The following CPLX2 variants were observed in gnomAD, a reference collection of about 807,000 sequenced individuals.
CPLX2 encodes the protein complexin-2.
In CPLX2, 5 loss-of-function variants were observed where a neutral mutation model predicts 16.3. The ratio of observed to expected loss-of-function variants is 0.31; its 90% CI spans 0.16 to 0.64. The LOEUF (loss-of-function observed/expected upper bound fraction) is 0.64, where lower values mean the gene tolerates loss of function less well. Ranked by LOEUF, CPLX2 falls within the 30% of genes least tolerant of loss-of-function variation. CPLX2 has a pLI of 0.79. For missense variants in CPLX2, 144 were observed against 181.4 expected, an observed-to-expected ratio of 0.79 and a Z score of 1.18; for synonymous variants, 89 against 73.2, an observed-to-expected ratio of 1.22 and a Z score of -1.10.
intron 2 of CPLX2, among the ~76,000 whole-genome samples, chr5:175,823,238 A>G (rs1758546052): frequency 6.6e-6 from 1 of 152,190 alleles, no homozygotes; most frequent in African/African-American, 2.4e-5. Context: ...TGTACACCCA[A>G]TGTTGACAAA....
chr5:175,852,953 A>G (rs1305298665), intron 2 of CPLX2, among the ~76,000 whole-genome samples: 2 of 152,236 alleles, frequency 1.3e-5, no homozygotes, highest in East Asian at 3.8e-4. Flanking sequence ...AGGAAGTCTC[A>G]GTACGTCCTC....
At chr5:175,839,228 A>G (rs1160895818) in intron 2 of CPLX2, among the ~76,000 whole-genome samples, 1 of 152,076 alleles carries the variant, frequency 6.6e-6, no homozygotes, top group African/African-American at 2.4e-5. Flanking sequence ...ATTTTTCCTC[A>G]AAAAAGAATG....
chr5:175,822,400 T>C (rs1758528694), intron 2 of CPLX2, among the ~76,000 whole-genome samples: 1 of 152,174 alleles, frequency 6.6e-6, no homozygotes, highest in Non-Finnish European at 1.5e-5. Flanking sequence ...AAGCCTTCAT[T>C]TCATCATCTG....
intron 1 of CPLX2, among the ~76,000 whole-genome samples, chr5:175,800,052 A>C (rs1341925117): frequency 1.3e-5 from 2 of 152,194 alleles, no homozygotes; most frequent in Non-Finnish European, 2.9e-5. Flanking sequence ...CTGCACACCT[A>C]GCTCACAGAC....
chr5:175,871,180 C>A (rs1759583217), upstream of CPLX2, among the ~76,000 whole-genome samples: 1 of 151,846 alleles, frequency 6.6e-6, no homozygotes, highest in African/African-American at 2.4e-5. Flanking sequence ...CTTGCCCCCA[C>A]CACTCCTCAG....
upstream of CPLX2, among the ~76,000 whole-genome samples, chr5:175,867,822 A>G (rs1759507161): frequency 1.3e-5 from 2 of 152,056 alleles, no homozygotes; most frequent in African/African-American, 4.8e-5. Context: ...CAAATACACC[A>G]TTGCACACTT....
intron 2 of CPLX2, among the ~76,000 whole-genome samples, chr5:175,863,994 C>G (rs941322103): frequency 2.6e-5 from 4 of 152,178 alleles, no homozygotes; most frequent in Non-Finnish European, 5.9e-5. Flanking sequence ...AGTTCTTTGA[C>G]CAAGAGGATC....
chr5:175,837,925 G>A (rs1758867514), intron 2 of CPLX2: 1 of 152,238 alleles, frequency 6.6e-6, no homozygotes, highest in African/African-American at 2.4e-5. Flanking sequence ...TCTAGTCAGA[G>A]AGGGAGATAA....
upstream of CPLX2, among the ~76,000 whole-genome samples, chr5:175,869,427 G>A (rs1387024053): frequency 6.6e-6 from 1 of 152,166 alleles, no homozygotes; most frequent in Non-Finnish European, 1.5e-5. Flanking sequence ...TCCTATGGCT[G>A]GACAGCTCCT....
intron 2 of CPLX2, among the ~76,000 whole-genome samples, chr5:175,816,869 A>C (rs1401586378): frequency 1.3e-5 from 2 of 152,272 alleles, no homozygotes; most frequent in East Asian, 3.8e-4. Flanking sequence ...TTATTTTTCC[A>C]ATCAGTAAAC....
At position 175,882,669 on chromosome 5, in the gene CPLX2, C is replaced by G. The variant is rs1755649271; in HGVS notation, c.*2624C>G. On this transcript the variant is annotated 3_prime_UTR_variant, in exon 4 of 4. Transcript: ENST00000393745. ...TTAGTCTGGGTCCATGTCCCAGACC[C>G]CTCTATTCTGCTCCAGGACAGCAGG... is the stretch of plus-strand genomic sequence containing the variant. 6.5e-6 allele frequency: 1 copy of G among 152,724 alleles called. No homozygotes were observed. The highest frequency in any genetic ancestry group is 1.5e-5 in the Non-Finnish European group (1 of 68,114). The allele number at this position is 152,724 out of a possible 1,614,324, so 9.5% of individuals were successfully genotyped here. A position where few individuals can be genotyped will look rare whatever the true frequency, so the allele number is the denominator to read the frequency against.
chr5:175,851,010 C>T (rs1254048581), intron 2 of CPLX2, among the ~76,000 whole-genome samples: 1 of 151,696 alleles, frequency 6.6e-6, no homozygotes, highest in Non-Finnish European at 1.5e-5. Flanking sequence ...ATTTGGCATC[C>T]AAGCAGACCA....
chr5:175,821,116 C>T (rs187365543), intron 2 of CPLX2, among the ~76,000 whole-genome samples: 6 of 152,288 alleles, frequency 3.9e-5, no homozygotes, highest in Admixed American at 3.9e-4. Flanking sequence ...TCTCCCCTCC[C>T]GCCCCATAGG....
intron 2 of CPLX2, among the ~76,000 whole-genome samples, chr5:175,828,816 A>G (rs888490955): frequency 2.0e-5 from 3 of 152,204 alleles, no homozygotes; most frequent in Non-Finnish European, 4.4e-5. Context: ...TCGAGGCTCC[A>G]GAGCCTGAGC....
chr5:175,858,208 A>G (rs1441186688), intron 2 of CPLX2, among the ~76,000 whole-genome samples: 1 of 152,228 alleles, frequency 6.6e-6, no homozygotes, highest in African/African-American at 2.4e-5. Context: ...TCCTTCGGTG[A>G]GACCCTCCTG....
chr5:175,878,315 G>T, intron 1 of CPLX2: 1 of 191,354 alleles, frequency 5.2e-6, no homozygotes. Context: ...TGGCAAATAA[G>T]GAAATGACGG....
chr5:175,856,305 T>G (rs1305664770), intron 2 of CPLX2, among the ~76,000 whole-genome samples: 1 of 152,220 alleles, frequency 6.6e-6, no homozygotes, highest in Non-Finnish European at 1.5e-5. Context: ...CACATTCAGC[T>G]GAGACTTCTG....
Position 175,882,537 on chromosome 5 carries a change from T to C in CPLX2, c.*2492T>C, listed in dbSNP as rs3749801. On this transcript the variant is annotated 3_prime_UTR_variant, in exon 4 of 4. Coordinates refer to ENST00000393745, the MANE Select transcript of CPLX2 (RefSeq NM_001008220.2). ...AGGTGGGCCGGAGGGACCCCAGACCTTCAGAGGGCTGCCCTGGTGTTCTCC... is the reference window on the plus strand; with the variant it reads ...AGGTGGGCCGGAGGGACCCCAGACCCTCAGAGGGCTGCCCTGGTGTTCTCC... 19,481 of 152,714 alleles carry C rather than the reference T, an allele frequency of 0.13. 1,853 individuals carry two copies. The highest frequency in any genetic ancestry group is 0.26 in the African/African-American group (10,871 of 41,502). 9.5% of individuals were successfully genotyped at this position (152,714 alleles called of 1,614,324 possible). A position where few individuals can be genotyped will look rare whatever the true frequency, so the allele number is the denominator to read the frequency against.
chr5:175,861,734 T>C (rs1759376325), intron 2 of CPLX2: 1 of 152,242 alleles, frequency 6.6e-6, no homozygotes, highest in Non-Finnish European at 1.5e-5. Flanking sequence ...TCAAAGAGAA[T>C]GTTGCTTTGT....
Sources: gnomAD v4.1 joint callset for allele counts (sites outside exome capture counted in the v4.1 genomes callset) on GRCh38, gnomAD v4.1.1 for gene constraint, MANE v1.5 for transcripts, NCBI Gene and HGNC (gene_info 2026-07-23, HGNC 2026-07-21) for gene names.